The following DRC10 variants were observed in gnomAD, a reference collection of about 807,000 sequenced individuals.
DRC10 encodes the protein IQ domain-containing protein D.
the DRC10 span, among the ~76,000 whole-genome samples, chr12:113,217,723 G>C: frequency 0.049 from 7,517 of 152,194 alleles, 267 homozygotes; most frequent in Middle Eastern, 0.068. Flanking sequence ...GGAGAGACAG[G>C]GTTTCAGCAT....
the DRC10 span, chr12:113,195,756 C>T: frequency 6.2e-7 from 1 of 1,613,958 alleles, no homozygotes; most frequent in Non-Finnish European, 8.5e-7. Context: ...TGCCTCCATC[C>T]TTTTCTTGGA....
chr12:113,195,539 G>A, the DRC10 span: 4 of 1,534,854 alleles, frequency 2.6e-6, no homozygotes, highest in Middle Eastern at 1.8e-4. Context: ...CTGGTCTCTG[G>A]GAAGATAAGG....
the DRC10 span, among the ~76,000 whole-genome samples, chr12:113,210,548 G>T: frequency 1.3e-5 from 2 of 150,644 alleles, no homozygotes; most frequent in African/African-American, 2.4e-5. Context: ...GATCGCTTGA[G>T]CCCAGGAGTT....
the DRC10 span, among the ~76,000 whole-genome samples, chr12:113,196,248 A>G: frequency 6.6e-6 from 1 of 152,168 alleles, no homozygotes; most frequent in Non-Finnish European, 1.5e-5. Flanking sequence ...GGCTGTTTCT[A>G]GGATTAAATG....
chr12:113,217,019 G>T, the DRC10 span, among the ~76,000 whole-genome samples: 1 of 152,104 alleles, frequency 6.6e-6, no homozygotes, highest in Admixed American at 6.5e-5. Context: ...AACCCAAGAG[G>T]CGTAGGTTGC....
At chr12:113,211,697 C>T in the DRC10 span, among the ~76,000 whole-genome samples, 1 of 152,122 alleles carries the variant, frequency 6.6e-6, no homozygotes, top group African/African-American at 2.4e-5. Context: ...GAATTATCTT[C>T]AATCACTTTG....
At chr12:113,199,259 C>T in the DRC10 span, among the ~76,000 whole-genome samples, 2 of 152,068 alleles carry the variant, frequency 1.3e-5, no homozygotes, top group African/African-American at 4.8e-5. Flanking sequence ...TTGTAATTAG[C>T]CAGACGTGGT....
the DRC10 span, among the ~76,000 whole-genome samples, chr12:113,219,793 CTTAT>C: frequency 9.2e-5 from 14 of 151,378 alleles, no homozygotes; most frequent in East Asian, 9.7e-4. Flanking sequence ...CCACCTCAGC[CTTAT>C]TTATTTATTT....
the DRC10 span, chr12:113,200,529 T>G: frequency 3.6e-5 from 20 of 559,254 alleles, no homozygotes; most frequent in East Asian, 5.0e-4. Context: ...GTCCCACCCA[T>G]CCCCCCCACC....
the DRC10 span, chr12:113,196,008 G>A: frequency 7.1e-7 from 1 of 1,412,830 alleles, no homozygotes; most frequent in Non-Finnish European, 9.3e-7. Context: ...CCTAAGCTAA[G>A]CTGTTCAGCA....
chr12:113,200,810 C>A, the DRC10 span: 1 of 1,526,712 alleles, frequency 6.6e-7, no homozygotes. Flanking sequence ...TTCTCCTTTT[C>A]CACCTAAGCC....
At chr12:113,198,280 G>A in the DRC10 span, among the ~76,000 whole-genome samples, 9 of 152,232 alleles carry the variant, frequency 5.9e-5, no homozygotes, top group South Asian at 1.5e-3. Flanking sequence ...GAAGGGAGTG[G>A]CGAGGAGGAA....
chr12:113,206,858 G>A, the DRC10 span, among the ~76,000 whole-genome samples: 19 of 151,504 alleles, frequency 1.3e-4, no homozygotes, highest in Non-Finnish European at 2.1e-4. Flanking sequence ...CCAGAAGTTC[G>A]AGACCAACCT....
chr12:113,206,858 G>C, the DRC10 span, among the ~76,000 whole-genome samples: 1 of 151,504 alleles, frequency 6.6e-6, no homozygotes, highest in African/African-American at 2.4e-5. Flanking sequence ...CCAGAAGTTC[G>C]AGACCAACCT....
the DRC10 span, among the ~76,000 whole-genome samples, chr12:113,198,539 A>G: frequency 6.6e-6 from 1 of 152,264 alleles, no homozygotes; most frequent in South Asian, 2.1e-4. Flanking sequence ...CACAACGGCC[A>G]CAGAAGATTC....
the DRC10 span, among the ~76,000 whole-genome samples, chr12:113,213,176 T>TAAA: frequency 1.1e-4 from 7 of 63,558 alleles, no homozygotes; most frequent in Non-Finnish European, 2.0e-4. Context: ...CAGAGGGTGC[T>TAAA]AAAAAAAAAA....
chr12:113,202,989 AAT>A, the DRC10 span: 1 of 450,398 alleles, frequency 2.2e-6, no homozygotes, highest in Non-Finnish European at 4.5e-6. Context: ...GTATGTGTGC[AAT>A]ATGACAATTA....
chr12:113,218,037 G>A, the DRC10 span, among the ~76,000 whole-genome samples: 3 of 152,164 alleles, frequency 2.0e-5, no homozygotes, highest in South Asian at 2.1e-4. Context: ...GTAGAGGCTC[G>A]TAATATTGCT....
chr12:113,210,983 A>G, the DRC10 span, among the ~76,000 whole-genome samples: 1 of 152,172 alleles, frequency 6.6e-6, no homozygotes, highest in Non-Finnish European at 1.5e-5. Flanking sequence ...ACTGGTAGAG[A>G]AAGATGGGGC....
Sources: gnomAD v4.1 joint callset for allele counts (sites outside exome capture counted in the v4.1 genomes callset) on GRCh38, gnomAD v4.1.1 for gene constraint, MANE v1.5 for transcripts, NCBI Gene and HGNC (gene_info 2026-07-23, HGNC 2026-07-21) for gene names.